The following DPP6 variants were observed in gnomAD, a reference collection of about 807,000 sequenced individuals.
The protein encoded by DPP6 is A-type potassium channel modulatory protein DPP6.
A neutral mutation model predicts 122.6 loss-of-function variants in DPP6; 69 were observed. The ratio of observed to expected loss-of-function variants is 0.56; its 90% CI spans 0.46 to 0.69. The LOEUF is 0.69. Among genes scored for constraint, DPP6 ranks in the 30% least tolerant of loss-of-function variants. The pLI is 0.00. For missense variants in DPP6, 928 were observed against 1,116.9 expected, an observed-to-expected ratio of 0.83 and a Z score of 2.41; for synonymous variants, 418 against 433.1, an observed-to-expected ratio of 0.97 and a Z score of 0.43.
intron 1 of DPP6, among the ~76,000 whole-genome samples, chr7:154,276,226 A>G (rs1387953125): frequency 6.6e-6 from 1 of 152,224 alleles, no homozygotes; most frequent in Non-Finnish European, 1.5e-5. Context: ...CATTTTAGAA[A>G]AAAAGCCACT....
At chr7:154,643,530 A>G (rs1467971461) in intron 6 of DPP6, among the ~76,000 whole-genome samples, 1 of 142,178 alleles carries the variant, frequency 7.0e-6, no homozygotes. Flanking sequence ...GTGCAGTGAT[A>G]CGATCTCAGC....
At chr7:154,767,204 C>T (rs1183958030) in intron 8 of DPP6, among the ~76,000 whole-genome samples, 2 of 152,196 alleles carry the variant, frequency 1.3e-5, no homozygotes, top group Non-Finnish European at 2.9e-5. Flanking sequence ...TGCAGGGCTC[C>T]TCTGCTGATT....
intron 1 of DPP6, among the ~76,000 whole-genome samples, chr7:154,018,657 T>C (rs1188331752): frequency 6.6e-6 from 1 of 152,254 alleles, no homozygotes; most frequent in African/African-American, 2.4e-5. Context: ...AAAGGGTGAC[T>C]GTGATATTAA....
At chr7:154,665,193 G>T (rs138346709) in intron 6 of DPP6, among the ~76,000 whole-genome samples, 1 of 152,204 alleles carries the variant, frequency 6.6e-6, no homozygotes, top group African/African-American at 2.4e-5. Context: ...TGCATTTTGG[G>T]TAAAAAATAT....
intron 1 of DPP6, among the ~76,000 whole-genome samples, chr7:153,967,965 GT>G (rs1386013860): frequency 1.3e-5 from 2 of 151,242 alleles, no homozygotes; most frequent in African/African-American, 4.9e-5. Flanking sequence ...TTCACCATTG[GT>G]GGGCACCTGG....
At chr7:154,551,069 C>T (rs1224129448) in intron 4 of DPP6, among the ~76,000 whole-genome samples, 1 of 152,156 alleles carries the variant, frequency 6.6e-6, no homozygotes, top group Non-Finnish European at 1.5e-5. Context: ...ATGAAAGCTA[C>T]AGACCAAAAG....
chr7:154,275,121 C>A (rs2150940381), intron 1 of DPP6, among the ~76,000 whole-genome samples: 1 of 152,368 alleles, frequency 6.6e-6, no homozygotes, highest in African/African-American at 2.4e-5. Context: ...GCCCGCCTGG[C>A]CTGGTGGCTG....
chr7:154,370,392 G>C (rs530432602), intron 1 of DPP6, among the ~76,000 whole-genome samples: 15 of 149,874 alleles, frequency 1.0e-4, no homozygotes, highest in African/African-American at 3.7e-4. Flanking sequence ...GGGGAGGGGG[G>C]ATGGGCAGCT....
chr7:154,462,874 C>G (rs1003982262), intron 2 of DPP6, among the ~76,000 whole-genome samples: 2 of 142,856 alleles, frequency 1.4e-5, no homozygotes, highest in Admixed American at 7.6e-5. Context: ...TTGTTCAATT[C>G]CCACCTATGA....
intron 7 of DPP6, among the ~76,000 whole-genome samples, chr7:154,679,476 A>C (rs543291802): frequency 6.6e-6 from 1 of 152,126 alleles, no homozygotes; most frequent in Non-Finnish European, 1.5e-5. Context: ...GGCAACCACC[A>C]GGGAGCTGAG....
intron 1 of DPP6, among the ~76,000 whole-genome samples, chr7:153,887,959 C>T (rs1799011377): frequency 6.6e-6 from 1 of 152,206 alleles, no homozygotes; most frequent in South Asian, 2.1e-4. Flanking sequence ...GGCTCCGCGG[C>T]CCCTCTCCTT....
chr7:154,527,827 A>G (rs1229216987), intron 3 of DPP6, among the ~76,000 whole-genome samples: 1 of 152,220 alleles, frequency 6.6e-6, no homozygotes, highest in Non-Finnish European at 1.5e-5. Flanking sequence ...AATTTTTAAC[A>G]TACGCATGGT....
chr7:153,818,797 G>C, the DPP6 span, among the ~76,000 whole-genome samples: 1 of 151,956 alleles, frequency 6.6e-6, no homozygotes, highest in Non-Finnish European at 1.5e-5. Flanking sequence ...TGTCGCCCAG[G>C]CTGGAGTCCA....
At chr7:154,563,227 A>G (rs1200588569) in intron 4 of DPP6, among the ~76,000 whole-genome samples, 2 of 152,202 alleles carry the variant, frequency 1.3e-5, no homozygotes, top group Admixed American at 6.5e-5. Context: ...AGGCCTTGAG[A>G]ATGGCATGTG....
intron 1 of DPP6, among the ~76,000 whole-genome samples, chr7:154,015,779 A>T: frequency 6.6e-6 from 1 of 151,974 alleles, no homozygotes; most frequent in Non-Finnish European, 1.5e-5. Flanking sequence ...CTCTCACTGG[A>T]ATCTCTGAAG....
the DPP6 span, among the ~76,000 whole-genome samples, chr7:153,774,737 G>A: frequency 6.6e-6 from 1 of 152,118 alleles, no homozygotes; most frequent in East Asian, 1.9e-4. Context: ...GGCTGAGGTG[G>A]GAGGATCACT....
chr7:154,081,252 A>C lies in DPP6; in HGVS notation c.243+28189A>C, dbSNP rs142807397. On this transcript the variant is annotated intron_variant, in intron 1 of 25. Coordinates refer to ENST00000377770, the MANE Select transcript of DPP6 (RefSeq NM_130797.4). ...TCTGTGGGGGATGAGTGTGCTTGGT[A>C]GCAGTTTGAAGCATTGTGCCTCTCT... 9.5e-3 allele frequency among the ~76,000 whole-genome samples: 1,434 copies of C among 150,522 alleles called. 36 individuals are homozygous for C. Among genetic ancestry groups the C allele is most frequent in the African/African-American group, 0.033 (1,359 of 41,228 alleles).
At chr7:153,891,039 T>TTTTTTTG (rs1799175412) in intron 1 of DPP6, among the ~76,000 whole-genome samples, 1 of 77,844 alleles carries the variant, frequency 1.3e-5, no homozygotes. Context: ...TTTTTTTTTT[T>TTTTTTTG]GAGATGGAGT....
chr7:154,425,626 GTGTGTGTGTGT>G (rs1563648875), intron 1 of DPP6, among the ~76,000 whole-genome samples: 2,267 of 141,542 alleles, frequency 0.016, 68 homozygotes, highest in African/African-American at 0.054. Context: ...GTGTGGGTGT[GTGTGTGTGTGT>G]GTGTGTGTGT....
Sources: gnomAD v4.1 joint callset for allele counts (sites outside exome capture counted in the v4.1 genomes callset) on GRCh38, gnomAD v4.1.1 for gene constraint, MANE v1.5 for transcripts, NCBI Gene and HGNC (gene_info 2026-07-23, HGNC 2026-07-21) for gene names.